Variants in RB1 observed in about 807,000 individuals in gnomAD.
RB1 encodes RB transcriptional corepressor 1.
RB1 carries 18 observed loss-of-function variants against 135.4 expected under a neutral mutation model. The ratio of observed to expected loss-of-function variants is 0.13; its 90% CI spans 0.09 to 0.20. The LOEUF is 0.20. RB1 is among the 10% of genes least tolerant of loss of function. The pLI is 1.00. For synonymous variants in RB1, 365 were observed against 373.2 expected, an observed-to-expected ratio of 0.98 and a Z score of 0.25; for missense variants, 868 against 1,110.0, an observed-to-expected ratio of 0.78 and a Z score of 3.10.
chr13:48,425,848 C>G (rs1047641368), intron 17 of RB1, among the ~76,000 whole-genome samples: 6 of 152,140 alleles, frequency 3.9e-5, no homozygotes, highest in Admixed American at 1.3e-4. Flanking sequence ...CAAGAAAGAA[C>G]ATATATTATT....
At chr13:48,331,921 C>A (rs1436048672) in intron 2 of RB1, among the ~76,000 whole-genome samples, 3 of 152,102 alleles carry the variant, frequency 2.0e-5, no homozygotes, top group Admixed American at 6.5e-5. Flanking sequence ...TCCTGATAAA[C>A]CCATTGTAAG....
intron 2 of RB1, among the ~76,000 whole-genome samples, chr13:48,342,238 A>C (rs1952451355): frequency 6.6e-6 from 1 of 151,974 alleles, no homozygotes; most frequent in Admixed American, 6.5e-5. Context: ...GTTTTTTTCA[A>C]ACAAATTATA....
chr13:48,423,952 A>G (rs754991788), intron 17 of RB1: 3 of 152,720 alleles, frequency 2.0e-5, no homozygotes, highest in South Asian at 2.1e-4. Context: ...AGTATGGGAC[A>G]TTGATATTTT....
At chr13:48,338,555 C>G (rs1253925954) in intron 2 of RB1, among the ~76,000 whole-genome samples, 2 of 152,184 alleles carry the variant, frequency 1.3e-5, no homozygotes, top group Admixed American at 1.3e-4. Flanking sequence ...TTTCTCTACA[C>G]TGGTTATTCT....
chr13:48,385,986 A>C (rs956343198), intron 17 of RB1, among the ~76,000 whole-genome samples: 1 of 148,968 alleles, frequency 6.7e-6, no homozygotes. Context: ...TGGGAGGATC[A>C]TTTGAGCCCA....
chr13:48,458,013 C>T (rs913151299), intron 19 of RB1, among the ~76,000 whole-genome samples: 3 of 152,178 alleles, frequency 2.0e-5, no homozygotes, highest in Admixed American at 6.5e-5. Flanking sequence ...TGCTCCCCAG[C>T]CCAGAGAGCA....
In RB1 at chr13:48,384,542, A is replaced by G. The variant is rs145752932; in HGVS notation, c.1695+3099A>G. ...ACAAATTGAACACATCCGTGTAAAC[A>G]ACACCCAGATAAAGGCCCAGAGCAA... On this transcript the variant is annotated intron_variant, in intron 17 of 26. Coordinates refer to ENST00000267163, the MANE Select transcript of RB1 (RefSeq NM_000321.3). Among the ~76,000 whole-genome samples, 396 of 152,280 alleles carry G rather than the reference A, an allele frequency of 2.6e-3. 1 individual carries two copies. The highest frequency in any genetic ancestry group is 9.1e-3 in the African/African-American group (377 of 41,562).
intron 20 of RB1, among the ~76,000 whole-genome samples, chr13:48,462,439 TAG>T (rs1949412318): frequency 6.6e-6 from 1 of 152,206 alleles, no homozygotes; most frequent in Non-Finnish European, 1.5e-5. Context: ...CATTTTTTAA[TAG>T]AGTTATTTGT....
intron 2 of RB1, among the ~76,000 whole-genome samples, chr13:48,332,679 AAG>A (rs1952347954): frequency 6.6e-6 from 1 of 152,204 alleles, no homozygotes; most frequent in African/African-American, 2.4e-5. Context: ...GAAATTCACT[AAG>A]AGAAATCTTA....
At chr13:48,368,745 C>G in intron 11 of RB1, 141 bp downstream of exon 11, 1 of 1,275,310 alleles carries the variant, frequency 7.8e-7, no homozygotes, top group Non-Finnish European at 1.0e-6. Context: ...GTGGATCACA[C>G]CTGTAATCCC....
chr13:48,422,331 C>T (rs1235068315), intron 17 of RB1, among the ~76,000 whole-genome samples: 1 of 151,988 alleles, frequency 6.6e-6, no homozygotes, highest in African/African-American at 2.4e-5. Flanking sequence ...AACACATGGA[C>T]ACAGGGAGGG....
chr13:48,352,378 T>G (rs1952555951), intron 6 of RB1, among the ~76,000 whole-genome samples: 1 of 152,120 alleles, frequency 6.6e-6, no homozygotes, highest in Admixed American at 6.6e-5. Context: ...GTTTTTTTTT[T>G]TTTATTTCTG....
intron 13 of RB1, among the ~76,000 whole-genome samples, chr13:48,377,633 T>G (rs1006390059): frequency 1.3e-5 from 2 of 152,188 alleles, no homozygotes; most frequent in African/African-American, 4.8e-5. Context: ...CTGTACACAT[T>G]TATTTCAGTG....
chr13:48,402,825 G>T (rs1238509559), intron 17 of RB1, among the ~76,000 whole-genome samples: 2 of 152,048 alleles, frequency 1.3e-5, no homozygotes, highest in African/African-American at 4.8e-5. Flanking sequence ...ACAACATAAA[G>T]TATAGTAATT....
intron 2 of RB1, chr13:48,318,845 C>T: frequency 2.0e-6 from 2 of 990,406 alleles, no homozygotes; most frequent in Non-Finnish European, 3.2e-6. Context: ...GCAAACTCCC[C>T]GACTATGCCT....
intron 21 of RB1, among the ~76,000 whole-genome samples, chr13:48,464,717 C>T (rs181217485): frequency 1.3e-5 from 2 of 152,258 alleles, no homozygotes; most frequent in Admixed American, 1.3e-4. Flanking sequence ...AGTCTATATA[C>T]TCTTCTCTTC....
rs1949361258 is a variant in RB1 at position 48,456,499 on chromosome 13, A to G, written c.1960+150A>G. 15 of 1,272,986 alleles carry G rather than the reference A, an allele frequency of 1.2e-5. No homozygotes were observed. In the South Asian group the frequency reaches 2.1e-4, roughly 17 times the overall value. The allele number at this position is 1,272,986 out of a possible 1,614,324, so 78.9% of individuals were successfully genotyped here. A position where few individuals can be genotyped will look rare whatever the true frequency, so the allele number is the denominator to read the frequency against. On this transcript the variant is annotated intron_variant, in intron 19 of 26. Transcript: ENST00000267163. ...TCCTCATCTATAAAATGGAAATGATAATGTTGCGAGATCTTTCTTGACTAT... is the reference window on the plus strand; with the variant it reads ...TCCTCATCTATAAAATGGAAATGATGATGTTGCGAGATCTTTCTTGACTAT...
intron 17 of RB1, chr13:48,429,451 C>G (rs1392788336): frequency 6.6e-6 from 1 of 152,094 alleles, no homozygotes; most frequent in African/African-American, 2.4e-5. Context: ...AGGGGCGAAC[C>G]CACCCAGGTC....
intron 17 of RB1, among the ~76,000 whole-genome samples, chr13:48,435,657 T>G (rs992245471): frequency 6.6e-6 from 1 of 152,188 alleles, no homozygotes; most frequent in Admixed American, 6.5e-5. Flanking sequence ...AGATTTTCCC[T>G]TATACTTAAA....
Sources: allele counts gnomAD v4.1 joint callset (sites outside exome capture counted in the v4.1 genomes callset), GRCh38; gene constraint gnomAD v4.1.1; transcripts MANE v1.5; gene names NCBI Gene and HGNC (gene_info 2026-07-23, HGNC 2026-07-21).